Variants in ZNF555 observed in about 807,000 individuals in gnomAD.
The protein encoded by ZNF555 is zinc finger protein 555.
ZNF555 carries 10 observed loss-of-function variants against 14.0 expected under a neutral mutation model. The ratio of observed to expected loss-of-function variants is 0.72; its 90% CI spans 0.44 to 1.21. The LOEUF (loss-of-function observed/expected upper bound fraction) is 1.21, where lower values mean the gene tolerates loss of function less well. Ranked by LOEUF, ZNF555 falls within the 50% of genes most tolerant of loss-of-function variation. The probability of loss-of-function intolerance (pLI) is 0.00; values close to 1 mark genes in which losing one functional copy is unlikely to be tolerated. For missense variants in ZNF555, 747 were observed against 762.0 expected (o/e 0.98, Z 0.23); for synonymous variants, 277 against 262.4 (o/e 1.06, Z -0.54).
chr19:2,843,130 G>C (rs527580528), intron 1 of ZNF555, among the ~76,000 whole-genome samples: 3 of 151,666 alleles, frequency 2.0e-5, no homozygotes, highest in Admixed American at 2.0e-4. Context: ...ACATTCCCTG[G>C]AGTGTGTGTC....
In ZNF555 at chr19:2,855,234, A is replaced by T. The variant is rs1009327877; in HGVS notation, c.*1282A>T. The T allele has an allele frequency of 3.3e-5, 5 of 152,104 alleles. No homozygotes were observed. The highest frequency in any genetic ancestry group is 1.2e-4 in the African/African-American group (5 of 41,416). 9.4% of individuals were successfully genotyped at this position (152,104 alleles called of 1,614,324 possible). A position where few individuals can be genotyped will look rare whatever the true frequency, so the allele number is the denominator to read the frequency against. ...TTATGTATCATTAAAAATAATGTGGATTTTGTTTCAAGGAAAACCTTCTGT... is the reference window on the plus strand; with the variant it reads ...TTATGTATCATTAAAAATAATGTGGTTTTTGTTTCAAGGAAAACCTTCTGT... On this transcript the variant is annotated 3_prime_UTR_variant, in exon 4 of 4. Transcript: ENST00000334241.
At chr19:2,845,005 A>G (rs1028114588) in intron 1 of ZNF555, among the ~76,000 whole-genome samples, 53 of 152,172 alleles carry the variant, frequency 3.5e-4, no homozygotes, top group African/African-American at 1.3e-3. Context: ...TCATGGGCAC[A>G]TGTGCAGGTT....
In ZNF555 at chr19:2,858,180, TAAAAA is replaced by T. The variant is rs2087700080; in HGVS notation, c.*4229_*4233del. 1 of 151,978 alleles carries T rather than the reference TAAAAA, an allele frequency of 6.6e-6. No homozygotes were observed. The highest frequency in any genetic ancestry group is 6.6e-5 in the Admixed American group (1 of 15,240). The allele number at this position is 151,978 out of a possible 1,614,324, so 9.4% of individuals were successfully genotyped here. A position where few individuals can be genotyped will look rare whatever the true frequency, so the allele number is the denominator to read the frequency against. On this transcript the variant is annotated 3_prime_UTR_variant, in exon 4 of 4. Transcript: ENST00000334241. ...GACAGAGCAAGACTGTCTCAAAAAATAAAAATAAAAAAACAAGACTTCCCCCACCA... is the reference window on the plus strand; with the variant it reads ...GACAGAGCAAGACTGTCTCAAAAAATTAAAAAAACAAGACTTCCCCCACCA...
intron 1 of ZNF555, among the ~76,000 whole-genome samples, chr19:2,849,116 G>C (rs558753781): frequency 1.3e-5 from 2 of 152,202 alleles, no homozygotes; most frequent in Admixed American, 6.5e-5. Flanking sequence ...ATACTCTGCA[G>C]CTCTGTGAAT....
In ZNF555 at chr19:2,841,724, C is replaced by T. The variant is rs561331901; in HGVS notation, c.3+149C>T. ...GAGCCTGGGCCCCGGGGGTCCCGCC[C>T]GGCCCCGCCTCCCGCGCTGAGGTCG... On this transcript the variant is annotated intron_variant, in intron 1 of 3. Transcript: ENST00000334241. 3.3e-4 allele frequency: 310 copies of T among 951,874 alleles called. No individual in the cohort carries two copies. The African/African-American group carries it at 4.7e-3, about 14-fold the overall frequency. The allele number at this position is 951,874 out of a possible 1,614,324, so 59.0% of individuals were successfully genotyped here.
At chr19:2,844,475 G>A (rs962898372) in intron 1 of ZNF555, among the ~76,000 whole-genome samples, 2 of 151,672 alleles carry the variant, frequency 1.3e-5, no homozygotes, top group African/African-American at 2.4e-5. Flanking sequence ...CTGACCTCAG[G>A]TGGCCCGCCC....
chr19:2,858,961 A>C lies in ZNF555; in HGVS notation c.*5009A>C, dbSNP rs2087707227. The C allele has an allele frequency of 6.6e-6, 1 of 152,370 alleles. No homozygotes were observed. The highest frequency in any genetic ancestry group is 2.4e-5 in the African/African-American group (1 of 41,378). 9.4% of individuals were successfully genotyped at this position (152,370 alleles called of 1,614,324 possible). A position where few individuals can be genotyped will look rare whatever the true frequency, so the allele number is the denominator to read the frequency against. ...GTGCCTATCGCGCCCCAAGCTCCTC[A>C]CGTGCCTCCTCCCCACAGTCCAGGA... On this transcript the variant is annotated 3_prime_UTR_variant, in exon 4 of 4. Transcript: ENST00000334241.
rs761206578 is a variant in ZNF555, at chr19:2,857,512, A to G, written c.*3560A>G. ...AAAGGCAAAGATAAGGGAAACGAACAAATCGCTGGTTAGAAGTAGGGGATT... is the reference window on the plus strand; with the variant it reads ...AAAGGCAAAGATAAGGGAAACGAACGAATCGCTGGTTAGAAGTAGGGGATT... On this transcript the variant is annotated 3_prime_UTR_variant, in exon 4 of 4. Transcript: ENST00000334241. 5 of 152,224 alleles carry G rather than the reference A, an allele frequency of 3.3e-5. No homozygotes were observed. The highest frequency in any genetic ancestry group is 1.5e-5 in the Non-Finnish European group (1 of 68,038). 9.4% of individuals were successfully genotyped at this position (152,224 alleles called of 1,614,324 possible). A position where few individuals can be genotyped will look rare whatever the true frequency, so the allele number is the denominator to read the frequency against.
At chr19:2,850,847 T>A in intron 2 of ZNF555, 134 bp downstream of exon 2, 1 of 1,096,366 alleles carries the variant, frequency 9.1e-7, no homozygotes, top group Non-Finnish European at 1.3e-6. Context: ...GTCACAGCTG[T>A]CATAGAGCTA....
Position 2,841,617 on chromosome 19 carries a change from G to C in ZNF555, c.3+42G>C, listed in dbSNP as rs181648489. On this transcript the variant is annotated intron_variant, in intron 1 of 3. Coordinates refer to ENST00000334241, the MANE Select transcript of ZNF555 (RefSeq NM_152791.5). ...AGAGGATCCCGGTGCGGGGCAGCAG[G>C]AACCGGCGACCGCCCGAGACCGCGG... 1.0e-3 allele frequency: 1,470 copies of C among 1,459,008 alleles called. 15 individuals carry two copies. The African/African-American group carries it at 0.021, about 21-fold the overall frequency. The allele number at this position is 1,459,008 out of a possible 1,614,324, so 90.4% of individuals were successfully genotyped here. A position where few individuals can be genotyped will look rare whatever the true frequency, so the allele number is the denominator to read the frequency against.
rs1039599345 is a variant in ZNF555 at position 2,855,020 on chromosome 19, C to T, written c.*1068C>T. Reference sequence around the variant, plus strand: ...TGGCTCTGTGATCCTGATTCCACCACGAAAGCCACAGTGTTGCAGTCAAAG... The same window carrying T: ...TGGCTCTGTGATCCTGATTCCACCATGAAAGCCACAGTGTTGCAGTCAAAG... On this transcript the variant is annotated 3_prime_UTR_variant, in exon 4 of 4. Coordinates refer to ENST00000334241, the MANE Select transcript of ZNF555 (RefSeq NM_152791.5). 6.6e-6 allele frequency: 1 copy of T among 152,118 alleles called. No individual in the cohort carries two copies. The highest frequency in any genetic ancestry group is 1.5e-5 in the Non-Finnish European group (1 of 68,022). The allele number at this position is 152,118 out of a possible 1,614,324, so 9.4% of individuals were successfully genotyped here. A position where few individuals can be genotyped will look rare whatever the true frequency, so the allele number is the denominator to read the frequency against.
At chr19:2,850,498 A>C (rs2087619381) in intron 1 of ZNF555, 89 bp from the exon 2 acceptor site, 4 of 1,536,714 alleles carry the variant, frequency 2.6e-6, no homozygotes, top group Admixed American at 1.9e-5. Flanking sequence ...GAATCACAGA[A>C]TCTTGTTTGA....
At position 2,853,829 on chromosome 19, in the gene ZNF555, A is replaced by C. The variant is rs115690966; in HGVS notation, c.1764A>C (p.Thr588=). 3.7e-6 allele frequency: 6 copies of C among 1,613,782 alleles called. No homozygotes were observed. The South Asian group carries it at 5.5e-5, about 15-fold the overall frequency. ...GGCGACATGTGAGAATACACACTAC[A>C]GAAAAACAGTATAAGTGTAATGTAG... ...SLRRHVRIHT[T]EKQYKCNVGH... is the part of the protein sequence containing the mutation. Residue 588 remains threonine (T), a synonymous_variant, in exon 4 of 4, where the codon ACA becomes ACC. Coordinates refer to ENST00000334241, the MANE Select transcript of ZNF555 (RefSeq NM_152791.5).
At position 2,853,915 on chromosome 19, in the gene ZNF555, A is replaced by C. The variant is rs897963377; in HGVS notation, c.1850A>C (p.Asp617Ala). 3 of 1,613,768 alleles carry C rather than the reference A, an allele frequency of 1.9e-6. No homozygotes were observed. The African/African-American group carries it at 4.0e-5, about 22-fold the overall frequency. Residue 617 changes from aspartate (D) to alanine (A), a missense_variant, in exon 4 of 4, where the codon GAT becomes GCT. Coordinates refer to ENST00000334241, the MANE Select transcript of ZNF555 (RefSeq NM_152791.5). ...TCAGAAAAGTCACACCAGGAGAGAG[A>C]TCTGATCAAAGTTGTAAATATGGTG... Reference protein sequence around the residue: ...SASEKSHQERDLIKVVNMVLP... With the variant: ...SASEKSHQERALIKVVNMVLP...
Position 2,853,578 on chromosome 19 carries a change from G to A in ZNF555, c.1513G>A (p.Glu505Lys). 2 of 1,609,598 alleles carry A rather than the reference G, an allele frequency of 1.2e-6. No individual in the cohort carries two copies. The highest frequency in any genetic ancestry group is 2.2e-5 in the East Asian group (1 of 44,812). The change falls in exon 4 of 4, where the codon GAG becomes AAG. Residue 505 changes from glutamate (E) to lysine (K), a missense_variant. By Grantham distance (56) the Glu-to-Lys change is moderately conservative. Coordinates refer to ENST00000334241, the MANE Select transcript of ZNF555 (RefSeq NM_152791.5). ...AAAACATATGAGAAGACATACCGCA[G>A]AGAAACTCTATAAATGCAAGCAGTG... Reference protein sequence around the residue: ...LQKHMRRHTAEKLYKCKQCGK... With the variant: ...LQKHMRRHTAKKLYKCKQCGK...
rs768635423 is a variant in ZNF555 at position 2,852,288 on chromosome 19, T to G, written c.315-92T>G. ...TTCCCATGGGGTGAAAAACCTATGCTTTCACTGAAAATGGTTAAGATGCAG... is the reference window on the plus strand; with the variant it reads ...TTCCCATGGGGTGAAAAACCTATGCGTTCACTGAAAATGGTTAAGATGCAG... On this transcript the variant is annotated intron_variant, in intron 3 of 3. Coordinates refer to ENST00000334241, the MANE Select transcript of ZNF555 (RefSeq NM_152791.5). 82 of 1,504,592 alleles carry G rather than the reference T, an allele frequency of 5.4e-5. 1 individual carries two copies. The highest frequency in any genetic ancestry group is 2.4e-4 in the Admixed American group (13 of 55,020). 93.2% of individuals were successfully genotyped at this position (1,504,592 alleles called of 1,614,324 possible). A position where few individuals can be genotyped will look rare whatever the true frequency, so the allele number is the denominator to read the frequency against.
chr19:2,850,064 T>C (rs1168274391), intron 1 of ZNF555, among the ~76,000 whole-genome samples: 3 of 152,222 alleles, frequency 2.0e-5, no homozygotes, highest in Non-Finnish European at 2.9e-5. Context: ...CTCAAAAGAA[T>C]GTTTTCATTC....
Position 2,853,147 on chromosome 19 carries a change from T to G in ZNF555, c.1082T>G (p.Ile361Ser), listed in dbSNP as rs1318831352. The change falls in exon 4 of 4, where the codon ATT (isoleucine) becomes AGT (serine). Residue 361 changes from isoleucine to serine, a missense_variant. Physicochemically the swap from Ile to Ser is moderately radical, Grantham distance 142. Transcript: ENST00000334241. ...CAGTCCTTTCGAAGACATGAAAGGATTCACACTGGAGAGAAACCCTACGAA... is the reference window on the plus strand; with the variant it reads ...CAGTCCTTTCGAAGACATGAAAGGAGTCACACTGGAGAGAAACCCTACGAA... ...YLQSFRRHER[I>S]HTGEKPYECK... The G allele has an allele frequency of 6.2e-7, 1 of 1,612,488 alleles. No individual in the cohort carries two copies. Among genetic ancestry groups the G allele is most frequent in the Non-Finnish European group, 8.5e-7 (1 of 1,179,668 alleles).
In ZNF555 at chr19:2,854,047, G is replaced by A; in HGVS notation, c.*95G>A. 2 of 1,464,584 alleles carry A rather than the reference G, an allele frequency of 1.4e-6. No homozygotes were observed. Among genetic ancestry groups the A allele is most frequent in the Middle Eastern group, 4.9e-4 (2 of 4,076 alleles). 90.7% of individuals were successfully genotyped at this position (1,464,584 alleles called of 1,614,324 possible). The stretch of plus-strand genomic sequence containing the variant: ...AAAAATAATTCTCCAAATACTCTCA[G>A]CTATCCTACATGAATTTGAACAGGT... On this transcript the variant is annotated 3_prime_UTR_variant, in exon 4 of 4. Coordinates refer to ENST00000334241, the MANE Select transcript of ZNF555 (RefSeq NM_152791.5).
Sources: gnomAD v4.1 joint callset for allele counts (sites outside exome capture counted in the v4.1 genomes callset) on GRCh38, gnomAD v4.1.1 for gene constraint, MANE v1.5 for transcripts, NCBI Gene and HGNC (gene_info 2026-07-23, HGNC 2026-07-21) for gene names.